GTPBP8: variants seen among roughly 807,000 people sequenced by gnomAD.
The protein encoded by GTPBP8 is GTP-binding protein 8.
A neutral mutation model predicts 27.3 loss-of-function variants in GTPBP8; 21 were observed. That is an observed-to-expected ratio of 0.77 (90% CI 0.55 to 1.11). The LOEUF is 1.11. Ranked by LOEUF, GTPBP8 falls within the 50% of genes least tolerant of loss-of-function variation. GTPBP8 has a pLI of 0.00. For missense variants in GTPBP8, 380 were observed against 350.8 expected (o/e 1.08, Z -0.67); for synonymous variants, 147 against 135.3 (o/e 1.09, Z -0.60).
intron 2 of GTPBP8, 92 bp downstream of exon 2, chr3:112,993,216 T>G: frequency 1.4e-6 from 1 of 701,918 alleles, no homozygotes; most frequent in Non-Finnish European, 2.5e-6. Flanking sequence ...TCATAATTAC[T>G]AAGTTCCTAG....
chr3:112,994,808 T>G (rs1159415758), intron 2 of GTPBP8, among the ~76,000 whole-genome samples: 1 of 152,216 alleles, frequency 6.6e-6, no homozygotes, highest in African/African-American at 2.4e-5. Flanking sequence ...CAGTCACAAT[T>G]TAGAACAGGG....
intron 5 of GTPBP8, 34 bp from the exon 6 acceptor site, chr3:113,000,816 A>C: frequency 1.5e-6 from 2 of 1,345,180 alleles, no homozygotes; most frequent in Non-Finnish European, 2.1e-6. Flanking sequence ...TATCTGAGGA[A>C]AGGAAGAAAA....
chr3:112,998,128 T>C (rs1253101550), intron 4 of GTPBP8, among the ~76,000 whole-genome samples: 1 of 152,166 alleles, frequency 6.6e-6, no homozygotes, highest in Non-Finnish European at 1.5e-5. Flanking sequence ...TCTGCTCTCA[T>C]ACCACAACAA....
chr3:112,998,897 A>G (rs1933837808), intron 4 of GTPBP8, among the ~76,000 whole-genome samples: 1 of 152,140 alleles, frequency 6.6e-6, no homozygotes. Context: ...TTTTATTTTT[A>G]ATTGATTTTT....
chr3:112,992,979 T>C (rs752589165), intron 1 of GTPBP8, 47 bp from the exon 2 acceptor site: 1 of 964,908 alleles, frequency 1.0e-6, no homozygotes, highest in African/African-American at 1.6e-5. Flanking sequence ...TAATGCAGAA[T>C]AGCATATACA....
chr3:113,000,744 G>A (rs977394975), intron 5 of GTPBP8, 106 bp from the exon 6 acceptor site: 3 of 667,250 alleles, frequency 4.5e-6, no homozygotes, highest in Non-Finnish European at 5.2e-6. Flanking sequence ...AAGATGTTCT[G>A]CTTTCATATA....
chr3:113,000,433 C>G (rs549024553), intron 5 of GTPBP8, among the ~76,000 whole-genome samples: 1 of 152,128 alleles, frequency 6.6e-6, no homozygotes, highest in African/African-American at 2.4e-5. Context: ...TGGCTGATCT[C>G]CATACGGACG....
rs1312033922 is a variant in GTPBP8, at chr3:112,995,318, T to G, written c.566+53T>G. ...TATACATTTAACCCCAAAGCATGTT[T>G]TCATCAGTAGAGTATTATACACATG... is the stretch of plus-strand genomic sequence containing the variant. On this transcript the variant is annotated intron_variant, in intron 3 of 5. Transcript: ENST00000383678. 3 of 1,252,058 alleles carry G rather than the reference T, an allele frequency of 2.4e-6. No homozygotes were observed. In the East Asian group the frequency reaches 7.0e-5, roughly 29 times the overall value. The allele number at this position is 1,252,058 out of a possible 1,614,324, so 77.6% of individuals were successfully genotyped here. A position where few individuals can be genotyped will look rare whatever the true frequency, so the allele number is the denominator to read the frequency against.
chr3:112,993,660 T>C (rs570755599), intron 2 of GTPBP8, among the ~76,000 whole-genome samples: 30 of 152,336 alleles, frequency 2.0e-4, no homozygotes, highest in Admixed American at 4.6e-4. Context: ...TACCCTTTCT[T>C]CAAAATCACC....
rs1259307466 is a variant in GTPBP8, at chr3:112,993,160, C to G, written c.435+36C>G. 8.3e-6 allele frequency: 8 copies of G among 961,106 alleles called. No individual in the cohort carries two copies. In the South Asian group the frequency reaches 9.5e-5, roughly 11 times the overall value. 59.5% of individuals were successfully genotyped at this position (961,106 alleles called of 1,614,324 possible). On this transcript the variant is annotated intron_variant, in intron 2 of 5. Coordinates refer to ENST00000383678, the MANE Select transcript of GTPBP8 (RefSeq NM_014170.4). The stretch of plus-strand genomic sequence containing the variant: ...GTTTTTAAATATGTTTGGACTATCT[C>G]TTGGATTAACTAACATGAATAATAA...
intron 4 of GTPBP8, among the ~76,000 whole-genome samples, chr3:112,997,978 A>T (rs773243206): frequency 3.3e-5 from 5 of 152,228 alleles, no homozygotes; most frequent in African/African-American, 4.8e-5. Context: ...TAGAAAAGTT[A>T]TATCTGTATC....
intron 3 of GTPBP8, among the ~76,000 whole-genome samples, chr3:112,996,327 A>C (rs1258185604): frequency 6.6e-6 from 1 of 151,944 alleles, no homozygotes; most frequent in Admixed American, 6.6e-5. Context: ...TCAGCCAGGC[A>C]TGGTGGCACA....
chr3:112,992,365 C>T (rs1437524245), intron 1 of GTPBP8: 2 of 152,270 alleles, frequency 1.3e-5, no homozygotes, highest in Non-Finnish European at 1.5e-5. Flanking sequence ...AAATGTCCCT[C>T]AAGGGGCAGT....
In GTPBP8 at chr3:113,001,121, A is replaced by G. The variant is rs1229412151; in HGVS notation, c.*202A>G. The G allele has an allele frequency of 3.9e-6, 2 of 509,632 alleles. No homozygotes were observed. The highest frequency in any genetic ancestry group is 6.9e-6 in the Non-Finnish European group (2 of 287,982). 31.6% of individuals were successfully genotyped at this position (509,632 alleles called of 1,614,324 possible). A position where few individuals can be genotyped will look rare whatever the true frequency, so the allele number is the denominator to read the frequency against. Reference sequence around the variant, plus strand: ...AAAAAAGTTTGTAAGTTATTGAATTATGGTGTTCATTAGAACAGCTACTAG... The same window carrying G: ...AAAAAAGTTTGTAAGTTATTGAATTGTGGTGTTCATTAGAACAGCTACTAG... On this transcript the variant is annotated 3_prime_UTR_variant, in exon 6 of 6. Transcript: ENST00000383678.
chr3:112,999,543 T>C lies in GTPBP8; in HGVS notation c.764T>C (p.Phe255Ser), dbSNP rs1322420474. 1.4e-6 allele frequency: 2 copies of C among 1,434,868 alleles called. No homozygotes were observed. The highest frequency in any genetic ancestry group is 1.9e-6 in the Non-Finnish European group (2 of 1,036,946). 88.9% of individuals were successfully genotyped at this position (1,434,868 alleles called of 1,614,324 possible). ...GTTAACATGAAAACTCAAGGATGTT[T>C]TCCTCAGTTGTTTCCTGTAAGGTAA... ...KFVNMKTQGC[F>S]PQLFPVSAVT... The change falls in exon 5 of 6, where the codon TTT (phenylalanine) becomes TCT (serine). Residue 255 changes from phenylalanine (F) to serine (S), a missense_variant. Phe to Ser is a radical substitution (Grantham distance 155). Coordinates refer to ENST00000383678, the MANE Select transcript of GTPBP8 (RefSeq NM_014170.4).
At chr3:113,000,501 A>G (rs569197382) in intron 5 of GTPBP8, among the ~76,000 whole-genome samples, 1 of 152,318 alleles carries the variant, frequency 6.6e-6, no homozygotes, top group African/African-American at 2.4e-5. Context: ...TATGTACAAT[A>G]ATGGTGATGG....
intron 5 of GTPBP8, 118 bp downstream of exon 5, chr3:112,999,682 C>A (rs1377538349): frequency 1.7e-6 from 1 of 595,756 alleles, no homozygotes. Context: ...TGGAAAAGTT[C>A]TTTAGTGGTT....
rs1401532953 is a variant in GTPBP8, at chr3:112,991,051, G to A, written c.52G>A (p.Ala18Thr). 2 of 1,609,960 alleles carry A rather than the reference G, an allele frequency of 1.2e-6. No homozygotes were observed. The highest frequency in any genetic ancestry group is 1.7e-5 in the Admixed American group (1 of 59,822). ...AGCGGGAAGACTCTTTGAAATGCCT[G>A]CGGTGCTAGAGCGACTGAGCCGCTA... ...LGAGRLFEMP[A>T]VLERLSRYNS... Residue 18 changes from alanine (A) to threonine (T), a missense_variant, in exon 1 of 6, where the codon GCG (alanine) becomes ACG (threonine). Ala to Thr is a moderately conservative substitution (Grantham distance 58, BLOSUM62 0). Coordinates refer to ENST00000383678, the MANE Select transcript of GTPBP8 (RefSeq NM_014170.4).
intron 5 of GTPBP8, 89 bp from the exon 6 acceptor site, chr3:113,000,761 C>A: frequency 1.3e-6 from 1 of 760,696 alleles, no homozygotes; most frequent in Non-Finnish European, 2.2e-6. Context: ...TATATGAAAT[C>A]ATAAGAATTT....
Sources: allele counts gnomAD v4.1 joint callset (sites outside exome capture counted in the v4.1 genomes callset), GRCh38; gene constraint gnomAD v4.1.1; transcripts MANE v1.5; gene names NCBI Gene and HGNC (gene_info 2026-07-23, HGNC 2026-07-21).